The following DISC1 variants were observed in gnomAD, a reference collection of about 807,000 sequenced individuals.
The protein encoded by DISC1 is DISC1 scaffold protein.
A neutral mutation model predicts 84.5 loss-of-function variants in DISC1; 57 were observed. The ratio of observed to expected loss-of-function variants is 0.67; its 90% CI spans 0.55 to 0.84. DISC1 has a LOEUF of 0.84. Among genes scored for constraint, DISC1 ranks in the 40% least tolerant of loss-of-function variants. The probability of loss-of-function intolerance (pLI) is 0.00; values close to 1 mark genes in which losing one functional copy is unlikely to be tolerated. For missense variants in DISC1, 1,000 were observed against 1,057.8 expected, an observed-to-expected ratio of 0.95 and a Z score of 0.76; for synonymous variants, 411 against 415.2, an observed-to-expected ratio of 0.99 and a Z score of 0.12.
At chr1:231,923,734 T>C (rs944647949) in intron 9 of DISC1, among the ~76,000 whole-genome samples, 2 of 152,208 alleles carry the variant, frequency 1.3e-5, no homozygotes, top group Non-Finnish European at 2.9e-5. Context: ...TGTGATTCCA[T>C]GTGTTCCATC....
intron 6 of DISC1, among the ~76,000 whole-genome samples, chr1:231,792,095 A>G (rs2078393292): frequency 1.3e-5 from 2 of 152,220 alleles, no homozygotes; most frequent in South Asian, 2.1e-4. Flanking sequence ...TTTATTCTGT[A>G]TATACCCCAG....
rs555671940 is a variant in DISC1, at chr1:231,787,437, GGA to G, written c.1635-7794_1635-7793del. Among the ~76,000 whole-genome samples, 3 of 151,840 alleles carry G rather than the reference GGA, an allele frequency of 2.0e-5. No homozygotes were observed. The South Asian group carries it at 6.2e-4, about 32-fold the overall frequency. ...GAGCATGTGTGCTAGAGAGAGCGCT[GGA>G]GAGAGAGAGACAGAGAGAGAAAGAG... On this transcript the variant is annotated intron_variant, in intron 6 of 12. Transcript: ENST00000439617.
intron 3 of DISC1, among the ~76,000 whole-genome samples, chr1:231,737,416 C>T (rs115476069): frequency 1.7e-3 from 256 of 152,342 alleles, no homozygotes; most frequent in Middle Eastern, 0.014. Flanking sequence ...CTGCTATGTG[C>T]AGTACACTTG....
In DISC1 at chr1:231,795,153, G is replaced by A. The variant is rs41271515; in HGVS notation, c.1635-89G>A. The A allele has an allele frequency of 2.1e-3, 2,678 of 1,280,226 alleles. 19 individuals carry two copies. The highest frequency in any genetic ancestry group is 6.8e-3 in the South Asian group (567 of 83,634). 79.3% of individuals were successfully genotyped at this position (1,280,226 alleles called of 1,614,324 possible). On this transcript the variant is annotated intron_variant, in intron 6 of 12. Coordinates refer to ENST00000439617, the MANE Select transcript of DISC1 (RefSeq NM_018662.3). The stretch of plus-strand genomic sequence containing the variant: ...CACTTCTTCGTCCATCAGACCAGTG[G>A]AAGGTTCACTTTTTGCAGTGTTCCT...
intron 9 of DISC1, among the ~76,000 whole-genome samples, chr1:231,827,850 A>G (rs1414276774): frequency 6.6e-6 from 1 of 152,146 alleles, no homozygotes; most frequent in Non-Finnish European, 1.5e-5. Context: ...TTTAATATTT[A>G]TGGCCGGTAC....
In DISC1 at chr1:231,954,604, C is replaced by G. The variant is rs558676736; in HGVS notation, c.1982-4224C>G. Reference sequence around the variant, plus strand: ...ATTTTGTATTCAGCATTTCTTTGAGCGCCCTCTTTGCTTCTTGGAACCTTG... The same window carrying G: ...ATTTTGTATTCAGCATTTCTTTGAGGGCCCTCTTTGCTTCTTGGAACCTTG... On this transcript the variant is annotated intron_variant, in intron 9 of 12. Transcript: ENST00000439617. The surrounding 1 kb of genome is among the most constrained non-coding windows in gnomAD (Gnocchi z 4.8). Among the ~76,000 whole-genome samples the G allele has an allele frequency of 6.6e-6, 1 of 152,160 alleles. No individual in the cohort carries two copies. Among genetic ancestry groups the G allele is most frequent in the Admixed American group, 6.5e-5 (1 of 15,286 alleles).
chr1:231,951,582 TCTCC>T (rs1420615911), intron 9 of DISC1, among the ~76,000 whole-genome samples: 12 of 152,290 alleles, frequency 7.9e-5, no homozygotes, highest in Admixed American at 2.0e-4. Flanking sequence ...CTGGGCCAAA[TCTCC>T]CTCCATGACG....
chr1:231,737,812 G>A (rs534719811), intron 3 of DISC1, among the ~76,000 whole-genome samples: 4 of 152,306 alleles, frequency 2.6e-5, no homozygotes, highest in East Asian at 1.9e-4. Flanking sequence ...ACATACGCCC[G>A]TTATCAGAAC....
At chr1:231,749,524 T>G (rs1234243915) in intron 3 of DISC1, among the ~76,000 whole-genome samples, 1 of 152,174 alleles carries the variant, frequency 6.6e-6, no homozygotes, top group East Asian at 1.9e-4. Context: ...TCTGAGGAAA[T>G]GTTAAAATCA....
intron 3 of DISC1, among the ~76,000 whole-genome samples, chr1:231,745,048 T>C (rs945988403): frequency 1.4e-5 from 2 of 141,556 alleles, no homozygotes; most frequent in Non-Finnish European, 3.0e-5. Flanking sequence ...TAATTAAAAT[T>C]TTTTTAAATA....
chr1:232,001,600 G>A (rs967757218), intron 10 of DISC1, among the ~76,000 whole-genome samples: 4 of 152,172 alleles, frequency 2.6e-5, no homozygotes, highest in Non-Finnish European at 5.9e-5. Context: ...ATGCTCAAAT[G>A]ATTTTTGGCG....
rs142024169 is a variant in DISC1 at position 231,662,693 on chromosome 1, G to A, written c.68-31133G>A. Among the ~76,000 whole-genome samples, 339 of 152,346 alleles carry A rather than the reference G, an allele frequency of 2.2e-3. 2 individuals are homozygous for A. Among genetic ancestry groups the A allele is most frequent in the Middle Eastern group, 0.02 (6 of 294 alleles). On this transcript the variant is annotated intron_variant, in intron 1 of 12. Coordinates refer to ENST00000439617, the MANE Select transcript of DISC1 (RefSeq NM_018662.3). ...ACCTATCTCAGGCAGATTCCAGCCT[G>A]TTGCTGTTGTATGCCTAAGTTAAGT...
intron 4 of DISC1, among the ~76,000 whole-genome samples, chr1:231,766,641 C>T (rs1208008435): frequency 1.3e-5 from 2 of 152,154 alleles, no homozygotes; most frequent in Non-Finnish European, 2.9e-5. Flanking sequence ...GAATTCAATA[C>T]TCCTAATCAT....
At chr1:231,894,851 T>C (rs904247569) in intron 9 of DISC1, among the ~76,000 whole-genome samples, 12 of 151,182 alleles carry the variant, frequency 7.9e-5, no homozygotes, top group African/African-American at 2.9e-4. Context: ...CACACTATAA[T>C]TGCTATAGCA....
At chr1:231,761,961 C>T (rs2075700404) in intron 4 of DISC1, among the ~76,000 whole-genome samples, 1 of 152,084 alleles carries the variant, frequency 6.6e-6, no homozygotes, top group Admixed American at 6.6e-5. Context: ...ACTCTGCAGC[C>T]CAGAGGAGGA....
At chr1:231,978,030 C>T (rs897465626) in intron 10 of DISC1, among the ~76,000 whole-genome samples, 14 of 151,744 alleles carry the variant, frequency 9.2e-5, no homozygotes, top group African/African-American at 3.4e-4. Flanking sequence ...ATTGTTTGTC[C>T]TACGGAATTT....
At chr1:231,686,755 C>A (rs1348577546) in intron 1 of DISC1, among the ~76,000 whole-genome samples, 1 of 152,176 alleles carries the variant, frequency 6.6e-6, no homozygotes. Context: ...TCTTTTCTGT[C>A]ACATTGTTAT....
At chr1:231,738,639 C>T (rs995728469) in intron 3 of DISC1, among the ~76,000 whole-genome samples, 2 of 152,164 alleles carry the variant, frequency 1.3e-5, no homozygotes, top group African/African-American at 4.8e-5. Flanking sequence ...CCTGGTTTCT[C>T]CAGCACTAAG....
At chr1:231,908,013 G>A (rs546079240) in intron 9 of DISC1, among the ~76,000 whole-genome samples, 66 of 152,116 alleles carry the variant, frequency 4.3e-4, no homozygotes, top group Non-Finnish European at 7.5e-4. Context: ...CTCACTTTTT[G>A]ATGGGGTTGT....
Sources: allele counts gnomAD v4.1 joint callset (sites outside exome capture counted in the v4.1 genomes callset), GRCh38; gene constraint gnomAD v4.1.1; non-coding constraint Gnocchi (gnomAD v3.1); transcripts MANE v1.5; gene names NCBI Gene and HGNC (gene_info 2026-07-23, HGNC 2026-07-21).